The following ATXN7 variants were observed in gnomAD, a reference collection of about 807,000 sequenced individuals.
ATXN7 encodes ataxin 7.
ATXN7 carries 12 observed loss-of-function variants against 70.5 expected under a neutral mutation model. The observed-to-expected ratio is 0.17, with a 90% CI of 0.11 to 0.28. The LOEUF (loss-of-function observed/expected upper bound fraction) is 0.28, where lower values mean the gene tolerates loss of function less well. ATXN7 is among the 10% of genes least tolerant of loss of function. ATXN7 has a pLI of 1.00. For synonymous variants in ATXN7, 498 were observed against 448.7 expected (o/e 1.11, Z -1.39); for missense variants, 1,256 against 1,131.7 (o/e 1.11, Z -1.58).
At chr3:63,942,248 G>A (rs1269226838) in intron 4 of ATXN7, among the ~76,000 whole-genome samples, 1 of 152,202 alleles carries the variant, frequency 6.6e-6, no homozygotes, top group South Asian at 2.1e-4. Flanking sequence ...TAAAGAGCAT[G>A]TACTTTGGAG....
chr3:63,956,162 G>A (rs1030716141), intron 5 of ATXN7, among the ~76,000 whole-genome samples: 3 of 152,138 alleles, frequency 2.0e-5, no homozygotes, highest in African/African-American at 7.2e-5. Context: ...GTAATACCAT[G>A]ATTTCTTGAT....
intron 4 of ATXN7, among the ~76,000 whole-genome samples, chr3:63,929,492 C>T (rs1378916198): frequency 2.6e-5 from 4 of 152,018 alleles, no homozygotes; most frequent in Non-Finnish European, 5.9e-5. Flanking sequence ...ACGATGGTCT[C>T]GATCTCCTGA....
chr3:63,887,422 C>G (rs1384662947), intron 1 of ATXN7, among the ~76,000 whole-genome samples: 2 of 152,110 alleles, frequency 1.3e-5, no homozygotes, highest in Non-Finnish European at 2.9e-5. Flanking sequence ...TTTAAGAAGT[C>G]TATTGTTTCG....
At chr3:63,972,780 G>A (rs752789449) in intron 5 of ATXN7, among the ~76,000 whole-genome samples, 3 of 152,162 alleles carry the variant, frequency 2.0e-5, no homozygotes, top group Admixed American at 1.3e-4. Context: ...TCCTGAAATG[G>A]CACGTAAAAA....
intron 10 of ATXN7, 87 bp downstream of exon 10, chr3:63,990,461 G>T (rs527374316): frequency 6.6e-7 from 1 of 1,506,320 alleles, no homozygotes; most frequent in South Asian, 1.2e-5. Flanking sequence ...ATCTTGGCAT[G>T]CCCGTATGTG....
intron 1 of ATXN7, among the ~76,000 whole-genome samples, chr3:63,881,093 C>T (rs1170208822): frequency 6.6e-6 from 1 of 152,136 alleles, no homozygotes; most frequent in African/African-American, 2.4e-5. Flanking sequence ...TAGTATGTGC[C>T]AGACTGTGCT....
intron 2 of ATXN7, among the ~76,000 whole-genome samples, chr3:63,900,079 G>C (rs1703580193): frequency 6.6e-6 from 1 of 151,266 alleles, no homozygotes; most frequent in Admixed American, 6.6e-5. Flanking sequence ...AAGACCCCAT[G>C]TTAAAAAACA....
intron 4 of ATXN7, among the ~76,000 whole-genome samples, chr3:63,933,783 G>A (rs2074604859): frequency 6.6e-6 from 1 of 152,190 alleles, no homozygotes; most frequent in Non-Finnish European, 1.5e-5. Context: ...CCTGTGCAAA[G>A]TAGTTTGTTA....
intron 5 of ATXN7, among the ~76,000 whole-genome samples, chr3:63,973,272 C>T (rs1288195294): frequency 6.6e-6 from 1 of 152,160 alleles, no homozygotes; most frequent in East Asian, 1.9e-4. Context: ...CATATCAAGA[C>T]TGTGCCCAGC....
intron 1 of ATXN7, among the ~76,000 whole-genome samples, chr3:63,874,581 A>G (rs1055724691): frequency 1.5e-4 from 23 of 152,196 alleles, no homozygotes; most frequent in Admixed American, 2.6e-4. Context: ...TCAGCTGAGG[A>G]TAAGGTTTAG....
chr3:63,882,576 C>A (rs920704660), intron 1 of ATXN7, among the ~76,000 whole-genome samples: 2 of 151,304 alleles, frequency 1.3e-5, no homozygotes, highest in African/African-American at 2.4e-5. Context: ...TAGTAGAGAC[C>A]GATTTCACCA....
intron 6 of ATXN7, among the ~76,000 whole-genome samples, chr3:63,981,882 A>G (rs200931152): frequency 1.3e-5 from 2 of 152,344 alleles, no homozygotes; most frequent in East Asian, 3.9e-4. Flanking sequence ...TTTGCTTCTT[A>G]TAGAAATTGC....
intron 5 of ATXN7, among the ~76,000 whole-genome samples, chr3:63,968,936 G>T (rs999340060): frequency 6.6e-6 from 1 of 152,152 alleles, no homozygotes; most frequent in African/African-American, 2.4e-5. Context: ...AATATGAAAA[G>T]ATCTTAAACC....
chr3:63,878,787 T>C (rs1344025227), intron 1 of ATXN7, among the ~76,000 whole-genome samples: 1 of 152,160 alleles, frequency 6.6e-6, no homozygotes, highest in Non-Finnish European at 1.5e-5. Flanking sequence ...GTGGATGGGC[T>C]GTTAAGACAG....
chr3:63,866,309 A>G (rs1702426089), intron 1 of ATXN7, among the ~76,000 whole-genome samples: 1 of 152,186 alleles, frequency 6.6e-6, no homozygotes, highest in East Asian at 1.9e-4. Flanking sequence ...GTGCAGTGGC[A>G]CGATCATCAG....
At chr3:63,961,756 A>G (rs552150307) in intron 5 of ATXN7, among the ~76,000 whole-genome samples, 44 of 152,196 alleles carry the variant, frequency 2.9e-4, no homozygotes, top group Admixed American at 3.9e-4. Context: ...TATTTAATAT[A>G]TATATGAATT....
chr3:63,951,107 T>C (rs889545746), intron 4 of ATXN7, among the ~76,000 whole-genome samples: 1 of 152,120 alleles, frequency 6.6e-6, no homozygotes, highest in Non-Finnish European at 1.5e-5. Context: ...AATGAAATAA[T>C]AGCTTGTAGA....
At chr3:63,950,449 T>C (rs1001565570) in intron 4 of ATXN7, among the ~76,000 whole-genome samples, 1 of 152,208 alleles carries the variant, frequency 6.6e-6, no homozygotes, top group Non-Finnish European at 1.5e-5. Flanking sequence ...CTGTTTTAAC[T>C]GCTATCTAAT....
chr3:63,947,371 A>AG lies in ATXN7; in HGVS notation c.395-5008_395-5007insG, dbSNP rs547150942. Among the ~76,000 whole-genome samples, 785 of 152,168 alleles carry AG rather than the reference A, an allele frequency of 5.2e-3. 5 individuals are homozygous for AG. Among genetic ancestry groups the AG allele is most frequent in the African/African-American group, 0.018 (747 of 41,520 alleles). ...GAGGCCAAGGTGGGAGGATCACTTG[A>AG]CCCAGGAGTTTGAGACCATTCTGGG... On this transcript the variant is annotated intron_variant, in intron 4 of 12. Coordinates refer to ENST00000674280, the MANE Select transcript of ATXN7 (RefSeq NM_001377405.1).
Sources: allele counts gnomAD v4.1 joint callset (sites outside exome capture counted in the v4.1 genomes callset), GRCh38; gene constraint gnomAD v4.1.1; transcripts MANE v1.5; gene names NCBI Gene and HGNC (gene_info 2026-07-23, HGNC 2026-07-21).